ZNF385D: variants seen among roughly 807,000 people sequenced by gnomAD.
ZNF385D encodes zinc finger protein 659.
Under a neutral mutation model 35.8 loss-of-function variants are expected in ZNF385D, and 15 were observed. The ratio of observed to expected loss-of-function variants is 0.42; its 90% CI spans 0.28 to 0.64. ZNF385D has a LOEUF of 0.64. Among genes scored for constraint, ZNF385D ranks in the 30% least tolerant of loss-of-function variants. The pLI, the probability that ZNF385D is intolerant of heterozygous loss-of-function variation, is 0.23. For synonymous variants in ZNF385D, 212 were observed against 186.8 expected (o/e 1.13, Z -1.10); for missense variants, 474 against 494.6 (o/e 0.96, Z 0.39).
At chr3:21,802,511 T>A (rs2072451950) in intron 3 of ZNF385D, among the ~76,000 whole-genome samples, 1 of 152,024 alleles carries the variant, frequency 6.6e-6, no homozygotes, top group African/African-American at 2.4e-5. Flanking sequence ...TACCTTATCT[T>A]GCAGAAAAGA....
intron 3 of ZNF385D, among the ~76,000 whole-genome samples, chr3:22,131,970 T>G (rs1459558744): frequency 2.6e-5 from 4 of 152,150 alleles, no homozygotes; most frequent in Non-Finnish European, 5.9e-5. Flanking sequence ...ACAAACATAT[T>G]AAGTATGTTC....
At chr3:21,700,823 A>T (rs1023455503) in intron 1 of ZNF385D, among the ~76,000 whole-genome samples, 1 of 152,232 alleles carries the variant, frequency 6.6e-6, no homozygotes, top group Non-Finnish European at 1.5e-5. Flanking sequence ...CAGGTAAGAC[A>T]TCCAAAGCAG....
At chr3:22,006,612 G>A (rs74500077) in intron 3 of ZNF385D, among the ~76,000 whole-genome samples, 1,587 of 152,102 alleles carry the variant, frequency 0.01, 33 homozygotes, top group African/African-American at 0.037. Flanking sequence ...ATTACAGAAA[G>A]AAGAGAGTTA....
intron 3 of ZNF385D, among the ~76,000 whole-genome samples, chr3:21,973,609 G>A (rs991075033): frequency 6.6e-6 from 1 of 151,698 alleles, no homozygotes; most frequent in Non-Finnish European, 1.5e-5. Flanking sequence ...CATCTAAATT[G>A]GAAAGGAAAA....
chr3:22,297,600 G>C (rs1188561332), intron 2 of ZNF385D, among the ~76,000 whole-genome samples: 2 of 152,094 alleles, frequency 1.3e-5, no homozygotes, highest in Non-Finnish European at 2.9e-5. Flanking sequence ...ATGGGGGAAT[G>C]AAATAGTTGT....
chr3:22,106,845 G>A (rs1049162202), intron 3 of ZNF385D, among the ~76,000 whole-genome samples: 6 of 152,014 alleles, frequency 3.9e-5, no homozygotes, highest in East Asian at 1.9e-4. Flanking sequence ...CAACCACCAC[G>A]ATCCCTTAAC....
At chr3:21,955,222 G>A (rs1177998719) in intron 3 of ZNF385D, among the ~76,000 whole-genome samples, 11 of 152,136 alleles carry the variant, frequency 7.2e-5, no homozygotes, top group Non-Finnish European at 1.6e-4. Context: ...GCAACTGACT[G>A]CTTATCCTTC....
At chr3:21,595,689 C>T (rs1286820141) in intron 2 of ZNF385D, among the ~76,000 whole-genome samples, 1 of 152,018 alleles carries the variant, frequency 6.6e-6, no homozygotes, top group African/African-American at 2.4e-5. Flanking sequence ...CCAAGGGTAG[C>T]ACTTACTATC....
chr3:21,666,898 C>T (rs996016414), intron 1 of ZNF385D, among the ~76,000 whole-genome samples: 1 of 151,920 alleles, frequency 6.6e-6, no homozygotes, highest in Admixed American at 6.6e-5. Context: ...GCTAACACGG[C>T]GAAACTCCAT....
At chr3:21,992,545 A>T (rs1341714559) in intron 3 of ZNF385D, among the ~76,000 whole-genome samples, 2 of 152,134 alleles carry the variant, frequency 1.3e-5, no homozygotes, top group South Asian at 4.1e-4. Flanking sequence ...CCCATTTTCC[A>T]TAGGAAGAGG....
At chr3:21,969,987 T>A (rs547043842) in intron 3 of ZNF385D, among the ~76,000 whole-genome samples, 10 of 152,152 alleles carry the variant, frequency 6.6e-5, no homozygotes, top group Non-Finnish European at 1.3e-4. Context: ...CTGCAAGAGT[T>A]ACTGTGTTAT....
At chr3:21,517,478 G>A (rs1707649407) in intron 3 of ZNF385D, among the ~76,000 whole-genome samples, 1 of 152,188 alleles carries the variant, frequency 6.6e-6, no homozygotes, top group South Asian at 2.1e-4. Flanking sequence ...CTACTCATCA[G>A]TAGTTTATTC....
At chr3:21,945,266 G>C (rs760968804) in intron 3 of ZNF385D, among the ~76,000 whole-genome samples, 2 of 151,988 alleles carry the variant, frequency 1.3e-5, no homozygotes, top group African/African-American at 2.4e-5. Context: ...TGCCACACAG[G>C]CTGGGATAGA....
chr3:21,456,712 G>T (rs1702843142), intron 4 of ZNF385D, among the ~76,000 whole-genome samples: 1 of 151,764 alleles, frequency 6.6e-6, no homozygotes, highest in African/African-American at 2.4e-5. Context: ...TTGTGCACAT[G>T]TACCCTAGAA....
intron 2 of ZNF385D, among the ~76,000 whole-genome samples, chr3:22,221,430 A>C (rs950650214): frequency 6.6e-6 from 1 of 152,026 alleles, no homozygotes; most frequent in African/African-American, 2.4e-5. Context: ...CATAACATTT[A>C]ATTAATTTAT....
At chr3:21,875,912 A>G (rs1008200041) in intron 3 of ZNF385D, among the ~76,000 whole-genome samples, 12 of 152,176 alleles carry the variant, frequency 7.9e-5, no homozygotes, top group Admixed American at 5.2e-4. Context: ...TGAAATTGCA[A>G]CTAGGCATTT....
chr3:21,930,858 G>C (rs1700971185), intron 3 of ZNF385D, among the ~76,000 whole-genome samples: 1 of 152,012 alleles, frequency 6.6e-6, no homozygotes, highest in Non-Finnish European at 1.5e-5. Flanking sequence ...GATGAACTAT[G>C]AGATATACAG....
chr3:22,095,779 G>A (rs532218748), intron 3 of ZNF385D, among the ~76,000 whole-genome samples: 1 of 151,448 alleles, frequency 6.6e-6, no homozygotes, highest in African/African-American at 2.4e-5. Flanking sequence ...CATTTCTACT[G>A]TTCAATAAAA....
chr3:22,298,805 T>C (rs1020009692), intron 2 of ZNF385D, among the ~76,000 whole-genome samples: 2 of 151,760 alleles, frequency 1.3e-5, no homozygotes, highest in African/African-American at 4.8e-5. Context: ...AATAAATAAA[T>C]TGTTTATCTT....
Sources: allele counts gnomAD v4.1 joint callset (sites outside exome capture counted in the v4.1 genomes callset), GRCh38; gene constraint gnomAD v4.1.1; transcripts MANE v1.5; gene names NCBI Gene and HGNC (gene_info 2026-07-23, HGNC 2026-07-21).